Variants in MYOZ2 observed in about 807,000 individuals in gnomAD.
The protein encoded by MYOZ2 is myozenin 2.
In MYOZ2, 19 loss-of-function variants were observed where a neutral mutation model predicts 25.4. The observed-to-expected ratio is 0.75, with a 90% CI of 0.52 to 1.10. The LOEUF (loss-of-function observed/expected upper bound fraction) is 1.10, where lower values mean the gene tolerates loss of function less well. MYOZ2 is among the 50% of genes least tolerant of loss of function. The probability of loss-of-function intolerance (pLI) is 0.00; values close to 1 mark genes in which losing one functional copy is unlikely to be tolerated. For synonymous variants in MYOZ2, 92 were observed against 106.9 expected, an observed-to-expected ratio of 0.86 and a Z score of 0.86; for missense variants, 270 against 317.9, an observed-to-expected ratio of 0.85 and a Z score of 1.15.
At chr4:119,184,114 GTCT>G (rs1322069655) in intron 5 of MYOZ2, among the ~76,000 whole-genome samples, 1 of 152,044 alleles carries the variant, frequency 6.6e-6, no homozygotes, top group African/African-American at 2.4e-5. Flanking sequence ...TGGCACTGTT[GTCT>G]TCTTATAATC....
Position 119,168,683 on chromosome 4 carries a change from AAACAAC to A in MYOZ2, c.560+4313_560+4318del, listed in dbSNP as rs150292392. 1.3e-3 allele frequency among the ~76,000 whole-genome samples: 194 copies of A among 150,938 alleles called. 1 individual carries two copies. Among genetic ancestry groups the A allele is most frequent in the African/African-American group, 3.6e-3 (147 of 40,662 alleles). ...CTGCAATCTAAAAAAAACAACAACA[AAACAAC>A]AACAACAACAACAACAACAACAAAA... On this transcript the variant is annotated intron_variant, in intron 5 of 5. Coordinates refer to ENST00000307128, the MANE Select transcript of MYOZ2 (RefSeq NM_016599.5).
chr4:119,168,032 G>A (rs1198473805), intron 5 of MYOZ2, among the ~76,000 whole-genome samples: 1 of 152,218 alleles, frequency 6.6e-6, no homozygotes, highest in Non-Finnish European at 1.5e-5. Context: ...GAGTGCAGTG[G>A]TGTGATCTCG....
intron 5 of MYOZ2, among the ~76,000 whole-genome samples, chr4:119,180,522 G>A (rs1278227080): frequency 6.6e-6 from 1 of 152,020 alleles, no homozygotes; most frequent in Non-Finnish European, 1.5e-5. Flanking sequence ...TCTTTTCCAG[G>A]AATAGCAGCT....
chr4:119,174,425 C>T (rs1201447742), intron 5 of MYOZ2, among the ~76,000 whole-genome samples: 1 of 152,184 alleles, frequency 6.6e-6, no homozygotes, highest in Non-Finnish European at 1.5e-5. Context: ...CTGGTGGGGC[C>T]TTGGAGAACC....
intron 2 of MYOZ2, among the ~76,000 whole-genome samples, chr4:119,138,154 C>A (rs1578721545): frequency 6.6e-6 from 1 of 151,832 alleles, no homozygotes; most frequent in Admixed American, 6.6e-5. Context: ...GTGGGGGAAA[C>A]CCTCAAAACC....
At chr4:119,156,598 T>A (rs542873661) in intron 3 of MYOZ2, among the ~76,000 whole-genome samples, 1 of 152,280 alleles carries the variant, frequency 6.6e-6, no homozygotes, top group South Asian at 2.1e-4. Flanking sequence ...CCAAAATAGA[T>A]CTTTTAAAAT....
At chr4:119,155,938 T>C (rs1741564310) in intron 3 of MYOZ2, among the ~76,000 whole-genome samples, 1 of 152,148 alleles carries the variant, frequency 6.6e-6, no homozygotes, top group Non-Finnish European at 1.5e-5. Context: ...TGGCTATTTA[T>C]TCACTAAAAA....
intron 2 of MYOZ2, among the ~76,000 whole-genome samples, chr4:119,148,586 C>G (rs1178617262): frequency 4.6e-5 from 7 of 151,982 alleles, no homozygotes; most frequent in Non-Finnish European, 1.0e-4. Flanking sequence ...AAATTCTATT[C>G]TAACAGCTAA....
rs554464845 is a variant in MYOZ2, at chr4:119,171,512, G to A, written c.560+7118G>A. 3.2e-4 allele frequency among the ~76,000 whole-genome samples: 48 copies of A among 151,752 alleles called. No individual in the cohort carries two copies. In the Middle Eastern group the frequency reaches 0.01, roughly 33 times the overall value. On this transcript the variant is annotated intron_variant, in intron 5 of 5. Transcript: ENST00000307128. ...AAAAGCCATTCTTTGAATTAGTCCAGAACAAAATCTAGTCATTTAAAATAG... is the reference window on the plus strand; with the variant it reads ...AAAAGCCATTCTTTGAATTAGTCCAAAACAAAATCTAGTCATTTAAAATAG...
At chr4:119,150,495 A>C (rs1232290236) in intron 2 of MYOZ2, among the ~76,000 whole-genome samples, 1 of 151,864 alleles carries the variant, frequency 6.6e-6, no homozygotes, top group Non-Finnish European at 1.5e-5. Flanking sequence ...AAGCTGACAC[A>C]TAAAAATGTG....
Position 119,164,273 on chromosome 4 carries a change from T to C in MYOZ2, c.439T>C (p.Tyr147His), listed in dbSNP as rs141181373. 8 of 1,614,016 alleles carry C rather than the reference T, an allele frequency of 5.0e-6. No individual in the cohort carries two copies. The highest frequency in any genetic ancestry group is 5.1e-6 in the Non-Finnish European group (6 of 1,179,926). ...EKFNTTAVPK[Y>H]YQSPWEQAIS... ...ATTCAACACCACAGCTGTCCCTAAG[T>C]ACTATCAATCTCCCTGGGAACAAGC... The change falls in exon 5 of 6, where the codon TAC becomes CAC. Residue 147 changes from tyrosine to histidine, a missense_variant. Physicochemically the swap from Tyr to His is moderately conservative, Grantham distance 83 (BLOSUM62 2). Transcript: ENST00000307128.
chr4:119,136,378 T>G (rs1741021426), intron 1 of MYOZ2, 134 bp from the exon 2 acceptor site: 1 of 761,304 alleles, frequency 1.3e-6, no homozygotes, highest in Non-Finnish European at 2.2e-6. Context: ...GGAATGCGTA[T>G]TGAAGTCTTT....
intron 5 of MYOZ2, among the ~76,000 whole-genome samples, chr4:119,184,403 T>C (rs2149230379): frequency 6.6e-6 from 1 of 152,362 alleles, no homozygotes; most frequent in Admixed American, 6.5e-5. Flanking sequence ...TCCTGTCTAC[T>C]GGAAGTGCTG....
At chr4:119,175,372 G>A (rs768409083) in intron 5 of MYOZ2, among the ~76,000 whole-genome samples, 34 of 152,172 alleles carry the variant, frequency 2.2e-4, no homozygotes, top group Non-Finnish European at 4.0e-4. Context: ...TTCATTTCTG[G>A]AATAAATAAA....
chr4:119,184,851 A>G (rs1035241521), intron 5 of MYOZ2, among the ~76,000 whole-genome samples: 2 of 152,236 alleles, frequency 1.3e-5, no homozygotes, highest in African/African-American at 2.4e-5. Context: ...AAAAGAGTTT[A>G]TAATTCACAG....
intron 3 of MYOZ2, among the ~76,000 whole-genome samples, chr4:119,152,272 A>G (rs1168928013): frequency 6.6e-6 from 1 of 152,092 alleles, no homozygotes; most frequent in Non-Finnish European, 1.5e-5. Context: ...TATCAAAAAT[A>G]TCTTGTAAGT....
intron 3 of MYOZ2, among the ~76,000 whole-genome samples, chr4:119,151,282 C>G (rs1741445272): frequency 6.6e-6 from 1 of 152,016 alleles, no homozygotes; most frequent in Non-Finnish European, 1.5e-5. Context: ...CACTGAGGAA[C>G]TTGTCTGTTC....
At chr4:119,177,597 T>G (rs1169463362) in intron 5 of MYOZ2, among the ~76,000 whole-genome samples, 1 of 152,130 alleles carries the variant, frequency 6.6e-6, no homozygotes, top group Non-Finnish European at 1.5e-5. Flanking sequence ...CAAAAAAAAG[T>G]GGAAGCAAAT....
intron 2 of MYOZ2, among the ~76,000 whole-genome samples, chr4:119,148,725 ATTT>A (rs202187477): frequency 0.49 from 32,137 of 65,738 alleles, 6,313 homozygotes; most frequent in Non-Finnish European, 0.57. Context: ...CTCGACTGAG[ATTT>A]TTTTTTTTTT....
Sources: gnomAD v4.1 joint callset for allele counts (sites outside exome capture counted in the v4.1 genomes callset) on GRCh38, gnomAD v4.1.1 for gene constraint, MANE v1.5 for transcripts, NCBI Gene and HGNC (gene_info 2026-07-23, HGNC 2026-07-21) for gene names.